The following CHST7 variants were observed in gnomAD, a reference collection of about 807,000 sequenced individuals.
The protein encoded by CHST7 is carbohydrate sulfotransferase 7.
CHST7 carries 5 observed loss-of-function variants against 9.0 expected under a neutral mutation model. That is an observed-to-expected ratio of 0.56 (90% CI 0.29 to 1.17). CHST7 has a LOEUF of 1.17. Ranked by LOEUF, CHST7 falls within the 50% of genes most tolerant of loss-of-function variation. The probability of loss-of-function intolerance (pLI) is 0.08; values close to 1 mark genes in which losing one functional copy is unlikely to be tolerated. For missense variants in CHST7, 377 were observed against 485.1 expected (o/e 0.78, Z 2.09); for synonymous variants, 244 against 237.1 (o/e 1.03, Z -0.27).
intron 1 of CHST7, among the ~76,000 whole-genome samples, chrX:46,581,235 CAA>C (rs1165772615): frequency 7.5e-5 from 5 of 66,954 alleles, no homozygotes; most frequent in Admixed American, 1.7e-4. Context: ...ACTCTGTCTC[CAA>C]AAAAAAAAAA....
At chrX:46,581,289 G>A (rs1244478153) in intron 1 of CHST7, among the ~76,000 whole-genome samples, 2 of 105,499 alleles carry the variant, frequency 1.9e-5, no homozygotes, top group Non-Finnish European at 3.9e-5. Context: ...CAGGTGCAGT[G>A]GCTCATGCCT....
rs867597796 is a variant in CHST7, at chrX:46,584,555, G to A, written c.*31+9132G>A. On this transcript the variant is annotated intron_variant, in intron 1 of 1. Transcript: ENST00000276055. Reference sequence around the variant, plus strand: ...TGTCTCAAAAAAAAAAAAAAAAAAAGGTGCCCTGAAGATAGATGCAGGGTA... The same window carrying A: ...TGTCTCAAAAAAAAAAAAAAAAAAAAGTGCCCTGAAGATAGATGCAGGGTA... Among the ~76,000 whole-genome samples the A allele has an allele frequency of 3.1e-3, 162 of 52,739 alleles. 4 individuals carry two copies. In the South Asian group the frequency reaches 0.067, roughly 22 times the overall value. 45.8% of individuals were successfully genotyped at this position (52,739 alleles called of 115,157 possible).
At chrX:46,593,835 T>C (rs1199759456) in intron 1 of CHST7, among the ~76,000 whole-genome samples, 1 of 111,815 alleles carries the variant, frequency 8.9e-6, no homozygotes, top group African/African-American at 3.3e-5. Context: ...GTGTAACTTA[T>C]CACAGCCTAC....
At chrX:46,578,903 C>T (rs1257821305) in intron 1 of CHST7, among the ~76,000 whole-genome samples, 2 of 111,406 alleles carry the variant, frequency 1.8e-5, no homozygotes, top group Non-Finnish European at 3.8e-5. Flanking sequence ...ATTACATTTA[C>T]ATGAGGAGCT....
intron 1 of CHST7, among the ~76,000 whole-genome samples, chrX:46,577,244 CTG>C (rs770874380): frequency 1.9e-5 from 2 of 105,425 alleles, no homozygotes; most frequent in Non-Finnish European, 3.9e-5. Flanking sequence ...AGGTTAGAGT[CTG>C]TGTGGGTGAC....
At position 46,573,938 on chromosome X, in the gene CHST7, G is replaced by C; in HGVS notation, c.7G>C (p.Gly3Arg). The C allele has an allele frequency of 8.7e-7, 1 of 1,155,035 alleles. No individual in the cohort carries two copies. Among genetic ancestry groups the C allele is most frequent in the East Asian group, 3.3e-5 (1 of 30,693 alleles). Reference sequence around the variant, plus strand: ...TCTGGAGGGTCGGTGAACGATGAAGGGCCGGCGGCGGCGACGCCGAGAGTA... The same window carrying C: ...TCTGGAGGGTCGGTGAACGATGAAGCGCCGGCGGCGGCGACGCCGAGAGTA... MK[G>R]RRRRRREYCK... Residue 3 changes from glycine (G) to arginine (R), a missense_variant, in exon 1 of 2, where the codon GGC becomes CGC. By Grantham distance (125) the Gly-to-Arg change is moderately radical. Transcript: ENST00000276055.
intron 1 of CHST7, among the ~76,000 whole-genome samples, chrX:46,585,285 C>T (rs375959665): frequency 8.9e-5 from 6 of 67,466 alleles, no homozygotes; most frequent in Admixed American, 2.0e-4. Context: ...TTCTTTTTTT[C>T]TTTTCTTTTC....
intron 1 of CHST7, among the ~76,000 whole-genome samples, chrX:46,592,066 C>T (rs1193337267): frequency 1.8e-5 from 2 of 112,084 alleles, no homozygotes; most frequent in Non-Finnish European, 3.8e-5. Context: ...TTTTCAAGAG[C>T]CTTTTAACTA....
At chrX:46,595,599 G>A (rs1942590156) in intron 1 of CHST7, among the ~76,000 whole-genome samples, 2 of 110,302 alleles carry the variant, frequency 1.8e-5, no homozygotes, top group African/African-American at 3.3e-5. Flanking sequence ...TTTTTTGTGT[G>A]TGTCTGTCAC....
Position 46,593,797 on chromosome X carries a change from A to T in CHST7, c.*32-3963A>T, listed in dbSNP as rs780706657. Reference sequence around the variant, plus strand: ...TTTGAGGGTATCTCTTTGTATGTTTATTTTAGTGGTTTCCTTGAATTATAC... The same window carrying T: ...TTTGAGGGTATCTCTTTGTATGTTTTTTTTAGTGGTTTCCTTGAATTATAC... On this transcript the variant is annotated intron_variant, in intron 1 of 1. Coordinates refer to ENST00000276055, the MANE Select transcript of CHST7 (RefSeq NM_019886.4). 2.7e-5 allele frequency among the ~76,000 whole-genome samples: 3 copies of T among 111,402 alleles called. No individual in the cohort carries two copies. In the South Asian group the frequency reaches 1.1e-3, roughly 42 times the overall value.
intron 1 of CHST7, among the ~76,000 whole-genome samples, chrX:46,593,891 C>A (rs983247962): frequency 3.6e-5 from 4 of 112,055 alleles, no homozygotes; most frequent in Non-Finnish European, 7.5e-5. Context: ...GAAAACTAAT[C>A]TCCATTTAGG....
At position 46,594,477 on chromosome X, in the gene CHST7, A is replaced by G. The variant is rs776022830; in HGVS notation, c.*32-3283A>G. Among the ~76,000 whole-genome samples the G allele has an allele frequency of 2.1e-4, 23 of 109,327 alleles. No individual in the cohort carries two copies. In the East Asian group the frequency reaches 6.3e-3, roughly 30 times the overall value. The allele number at this position is 109,327 out of a possible 115,157, so 94.9% of individuals were successfully genotyped here. A position where few individuals can be genotyped will look rare whatever the true frequency, so the allele number is the denominator to read the frequency against. On this transcript the variant is annotated intron_variant, in intron 1 of 1. Transcript: ENST00000276055. The stretch of plus-strand genomic sequence containing the variant: ...AGGAGGCGGAGGTTGCAGTGAGCCA[A>G]GATCACGCCACTGCACTCCAGCCTG...
chrX:46,595,383 TCCACTGACA>T (rs1360048008), intron 1 of CHST7, among the ~76,000 whole-genome samples: 1 of 112,390 alleles, frequency 8.9e-6, no homozygotes, highest in Non-Finnish European at 1.9e-5. Flanking sequence ...TTAGCAGGCC[TCCACTGACA>T]CCACACTGGT....
At chrX:46,596,360 A>C (rs1288240675) in intron 1 of CHST7, among the ~76,000 whole-genome samples, 1 of 110,411 alleles carries the variant, frequency 9.1e-6, no homozygotes, top group Non-Finnish European at 1.9e-5. Context: ...CCTTACCATA[A>C]ATCCTGCCCT....
intron 1 of CHST7, among the ~76,000 whole-genome samples, chrX:46,590,651 C>T: frequency 8.9e-6 from 1 of 112,156 alleles, no homozygotes; most frequent in Middle Eastern, 4.6e-3. Context: ...AGGAAATTGA[C>T]ACTGGTGAGA....
chrX:46,574,539 C>T lies in CHST7; in HGVS notation c.608C>T (p.Ser203Leu). Residue 203 changes from serine to leucine, a missense_variant, in exon 1 of 2, where the codon TCG becomes TTG. Ser to Leu is a moderately radical substitution (Grantham distance 145, BLOSUM62 -2). Coordinates refer to ENST00000276055, the MANE Select transcript of CHST7 (RefSeq NM_019886.4). ...TGGCGGACTAACAAGGTCATCTGCT[C>T]GCCGCCACTGTGTCCTGGCGCACCC... ...FRWRTNKVIC[S>L]PPLCPGAPRA... 1 of 1,207,106 alleles carries T rather than the reference C, an allele frequency of 8.3e-7. No individual in the cohort carries two copies. The highest frequency in any genetic ancestry group is 1.1e-6 in the Non-Finnish European group (1 of 893,143).
chrX:46,594,630 G>A (rs1018420291), intron 1 of CHST7, among the ~76,000 whole-genome samples: 4 of 111,266 alleles, frequency 3.6e-5, no homozygotes, highest in Admixed American at 1.9e-4. Context: ...TACAAAATCC[G>A]TTGGCATTCA....
intron 1 of CHST7, among the ~76,000 whole-genome samples, chrX:46,587,882 G>A (rs1942556628): frequency 9.0e-6 from 1 of 111,700 alleles, no homozygotes; most frequent in Non-Finnish European, 1.9e-5. Context: ...TTAGGATGCT[G>A]GGAGAAGACC....
chrX:46,586,403 C>T (rs953623576), intron 1 of CHST7, among the ~76,000 whole-genome samples: 1 of 111,974 alleles, frequency 8.9e-6, no homozygotes, highest in African/African-American at 3.2e-5. Flanking sequence ...TGGGCAGTCC[C>T]AGTGTGGGGG....
Sources: gnomAD v4.1 joint callset for allele counts (sites outside exome capture counted in the v4.1 genomes callset) on GRCh38, gnomAD v4.1.1 for gene constraint, MANE v1.5 for transcripts, NCBI Gene and HGNC (gene_info 2026-07-23, HGNC 2026-07-21) for gene names.